Variants in CEMIP2 observed in about 807,000 individuals in gnomAD.
CEMIP2 encodes cell migration inducing hyaluronidase 2.
Under a neutral mutation model 146.9 loss-of-function variants are expected in CEMIP2, and 79 were observed. The observed-to-expected ratio is 0.54, with a 90% CI of 0.45 to 0.65. The LOEUF is 0.65. CEMIP2 is among the 30% of genes least tolerant of loss of function. The pLI, the probability that CEMIP2 is intolerant of heterozygous loss-of-function variation, is 0.00. For synonymous variants in CEMIP2, 601 were observed against 606.3 expected, an observed-to-expected ratio of 0.99 and a Z score of 0.13; for missense variants, 1,596 against 1,696.2, an observed-to-expected ratio of 0.94 and a Z score of 1.04.
In CEMIP2 at chr9:71,740,112, A is replaced by G. The variant is rs25690; in HGVS notation, c.1155T>C (p.Thr385=). 0.086 allele frequency: 139,236 copies of G among 1,613,830 alleles called. 7,118 individuals carry two copies. The highest frequency in any genetic ancestry group is 0.19 in the South Asian group (17,452 of 91,064). ...TCACAGAGAACTTCTGGCCATCCAC[A>G]GTATAAAATTCTCTTTGGGCAAGAG... The part of the protein sequence containing the change: ...GKALAQREFY[T]VDGQKFSVTA... The change falls in exon 5 of 24, where the codon ACT becomes ACC. Residue 385 remains threonine (T), a synonymous_variant. Coordinates refer to ENST00000377044, the MANE Select transcript of CEMIP2 (RefSeq NM_013390.3).
intron 12 of CEMIP2, among the ~76,000 whole-genome samples, chr9:71,720,539 G>A (rs988331228): frequency 4.6e-5 from 7 of 152,234 alleles, no homozygotes; most frequent in South Asian, 2.1e-4. Flanking sequence ...TGATCCACCC[G>A]CCTTGGCTTC....
intron 21 of CEMIP2, among the ~76,000 whole-genome samples, chr9:71,693,957 C>A (rs1822307547): frequency 6.6e-6 from 1 of 152,164 alleles, no homozygotes; most frequent in African/African-American, 2.4e-5. Flanking sequence ...CTGAGAGAGA[C>A]CCCTGGACCG....
In CEMIP2 at chr9:71,715,715, G is replaced by A. The variant is rs1284256156; in HGVS notation, c.2436-626C>T. Reference sequence around the variant, plus strand: ...AGGCTGGAGCAGCAACCTTGAACTCGAGCTCACAGGATACTGCCATCTCAG... The same window carrying A: ...AGGCTGGAGCAGCAACCTTGAACTCAAGCTCACAGGATACTGCCATCTCAG... On this transcript the variant is annotated intron_variant, in intron 14 of 23. Transcript: ENST00000377044. 4.8e-5 allele frequency among the ~76,000 whole-genome samples: 7 copies of A among 146,642 alleles called. No homozygotes were observed. In the South Asian group the frequency reaches 6.5e-4, roughly 14 times the overall value.
intron 17 of CEMIP2, among the ~76,000 whole-genome samples, chr9:71,707,748 T>TG (rs1822792430): frequency 6.6e-6 from 1 of 152,110 alleles, no homozygotes; most frequent in Admixed American, 6.5e-5. Flanking sequence ...GAAAAGAACA[T>TG]CTAGCAGCAA....
At chr9:71,685,698 G>A in intron 23 of CEMIP2, 45 bp downstream of exon 23, 3 of 1,502,168 alleles carry the variant, frequency 2.0e-6, no homozygotes, top group Non-Finnish European at 2.8e-6. Flanking sequence ...AATTACCTAT[G>A]TTGCTGGCCC....
chr9:71,741,699 C>A (rs1189609176), intron 4 of CEMIP2, among the ~76,000 whole-genome samples: 1 of 120,406 alleles, frequency 8.3e-6, no homozygotes, highest in Non-Finnish European at 1.6e-5. Flanking sequence ...AGTGCAATGG[C>A]GTGATCTCGG....
At chr9:71,699,726 C>G (rs984844370) in intron 19 of CEMIP2, among the ~76,000 whole-genome samples, 1 of 152,136 alleles carries the variant, frequency 6.6e-6, no homozygotes, top group African/African-American at 2.4e-5. Flanking sequence ...TGCATTTGTG[C>G]ACACTGTCTC....
At chr9:71,687,996 A>T (rs1822118492) in intron 22 of CEMIP2, among the ~76,000 whole-genome samples, 1 of 152,170 alleles carries the variant, frequency 6.6e-6, no homozygotes, top group Non-Finnish European at 1.5e-5. Context: ...AGGTGAGACT[A>T]CAGGTATGTG....
At chr9:71,719,094 T>A (rs1339582189) in intron 12 of CEMIP2, among the ~76,000 whole-genome samples, 1 of 150,942 alleles carries the variant, frequency 6.6e-6, no homozygotes, top group Admixed American at 6.6e-5. Context: ...AGGCCACCTA[T>A]TTTTTTTTAA....
In CEMIP2 at chr9:71,747,442, G is replaced by A. The variant is rs148841787; in HGVS notation, c.332-1101C>T. ...AGGCAGCTTCATGAACAGGTGACTT[G>A]AGAGCTGGACACCAAAGGATGGGCA... On this transcript the variant is annotated intron_variant, in intron 2 of 23. Coordinates refer to ENST00000377044, the MANE Select transcript of CEMIP2 (RefSeq NM_013390.3). Among the ~76,000 whole-genome samples, 279 of 152,298 alleles carry A rather than the reference G, an allele frequency of 1.8e-3. 1 individual carries two copies. The highest frequency in any genetic ancestry group is 6.5e-3 in the African/African-American group (269 of 41,570).
intron 9 of CEMIP2, 29 bp downstream of exon 9, chr9:71,730,019 A>G (rs775005324): frequency 1.2e-6 from 2 of 1,613,910 alleles, no homozygotes; most frequent in Non-Finnish European, 1.7e-6. Flanking sequence ...GCCCTGACTC[A>G]TGGGTTTTTC....
rs568725631 is a variant in CEMIP2, at chr9:71,745,076, T to G, written c.976A>C (p.Thr326Pro). 1.2e-5 allele frequency: 20 copies of G among 1,614,046 alleles called. No homozygotes were observed. Among genetic ancestry groups the G allele is most frequent in the Non-Finnish European group, 1.7e-5 (20 of 1,180,010 alleles). The change falls in exon 4 of 24, where the codon ACC becomes CCC. Residue 326 changes from threonine to proline, a missense_variant. By Grantham distance (38) the Thr-to-Pro change is conservative. Transcript: ENST00000377044. ...AACCGTTCCTGGATCATCTGGATGG[T>G]TCCTTGTAAGAGACTTTTAGCGGCT... ...DSAAKSLLQG[T>P]IQMIQERLGS...
Position 71,750,258 on chromosome 9 carries a change from G to C in CEMIP2, c.116C>G (p.Pro39Arg). The C allele has an allele frequency of 5.0e-6, 8 of 1,614,096 alleles. No individual in the cohort carries two copies. Among genetic ancestry groups the C allele is most frequent in the Non-Finnish European group, 6.8e-6 (8 of 1,180,006 alleles). The part of the protein sequence containing the change: ...PGKVVPLRPP[P>R]PPKSQASAKF... ...GGCTGAAGCTTGACTCTTTGGAGGA[G>C]GAGGGGGACGCAATGGGACAACCTT... The change falls in exon 2 of 24, where the codon CCT becomes CGT. Residue 39 changes from proline to arginine, a missense_variant. Physicochemically the swap from Pro to Arg is moderately radical, Grantham distance 103. Coordinates refer to ENST00000377044, the MANE Select transcript of CEMIP2 (RefSeq NM_013390.3).
intron 10 of CEMIP2, 55 bp downstream of exon 10, chr9:71,729,790 T>C (rs1823560941): frequency 6.5e-7 from 1 of 1,550,256 alleles, no homozygotes; most frequent in African/African-American, 1.4e-5. Flanking sequence ...TAAACCAGAC[T>C]ATTTATAAAC....
chr9:71,720,157 A>T (rs1418420602), intron 12 of CEMIP2, among the ~76,000 whole-genome samples: 1 of 152,180 alleles, frequency 6.6e-6, no homozygotes, highest in Non-Finnish European at 1.5e-5. Flanking sequence ...GGTGGTTCTA[A>T]TGCCCTTTCA....
At chr9:71,720,063 T>C (rs1026444308) in intron 12 of CEMIP2, among the ~76,000 whole-genome samples, 3 of 152,160 alleles carry the variant, frequency 2.0e-5, no homozygotes, top group African/African-American at 4.8e-5. Flanking sequence ...ATAGTTACTT[T>C]TTCCCGATTT....
chr9:71,735,103 C>T lies in CEMIP2; in HGVS notation c.1205-109G>A, dbSNP rs577506546. On this transcript the variant is annotated intron_variant, in intron 5 of 23. Transcript: ENST00000377044. ...CACAAATCAAAAGTTAAGATAACCA[C>T]GATTCAGCAAATTTTTACGCATGCT... 859 of 1,325,698 alleles carry T rather than the reference C, an allele frequency of 6.5e-4. 1 individual carries two copies. The highest frequency in any genetic ancestry group is 8.3e-4 in the Non-Finnish European group (823 of 992,956). 82.1% of individuals were successfully genotyped at this position (1,325,698 alleles called of 1,614,324 possible).
At chr9:71,694,743 T>G (rs1180405799) in intron 20 of CEMIP2, 136 bp from the exon 21 acceptor site, 4 of 609,996 alleles carry the variant, frequency 6.6e-6, no homozygotes, top group Non-Finnish European at 1.2e-5. Flanking sequence ...TTTCATGACC[T>G]AGAATTCCAT....
rs984662467 is a variant in CEMIP2 at position 71,732,393 on chromosome 9, C to T, written c.1521G>A (p.Gln507=). The change falls in exon 7 of 24, where the codon CAG becomes CAA. Residue 507 remains glutamine, a synonymous_variant. Coordinates refer to ENST00000377044, the MANE Select transcript of CEMIP2 (RefSeq NM_013390.3). ...EVEDSCYAEN[Q]CQFFDYDTFG... is the part of the protein sequence containing the mutation. The stretch of plus-strand genomic sequence containing the variant: ...AGGTATCATAATCAAAAAATTGGCA[C>T]TGATTTTCTGCGTAGCATGAGTCCT... 1 of 1,612,892 alleles carries T rather than the reference C, an allele frequency of 6.2e-7. No individual in the cohort carries two copies. Among genetic ancestry groups the T allele is most frequent in the Non-Finnish European group, 8.5e-7 (1 of 1,179,762 alleles).
Sources: allele counts gnomAD v4.1 joint callset (sites outside exome capture counted in the v4.1 genomes callset), GRCh38; gene constraint gnomAD v4.1.1; transcripts MANE v1.5; gene names NCBI Gene and HGNC (gene_info 2026-07-23, HGNC 2026-07-21).